The following WDR91 variants were observed in gnomAD, a reference collection of about 807,000 sequenced individuals.
The protein encoded by WDR91 is WD repeat domain 91, also known as WD repeat-containing protein 91.
In WDR91, 52 loss-of-function variants were observed where a neutral mutation model predicts 88.4. The ratio of observed to expected loss-of-function variants is 0.59; its 90% CI spans 0.47 to 0.74. The LOEUF (loss-of-function observed/expected upper bound fraction) is 0.74, where lower values mean the gene tolerates loss of function less well. Ranked by LOEUF, WDR91 falls within the 30% of genes least tolerant of loss-of-function variation. The pLI, the probability that WDR91 is intolerant of heterozygous loss-of-function variation, is 0.00. For synonymous variants in WDR91, 362 were observed against 389.5 expected (o/e 0.93, Z 0.83); for missense variants, 824 against 954.5 (o/e 0.86, Z 1.80).
Position 135,185,046 on chromosome 7 carries a change from T to C in WDR91, c.*1105A>G, listed in dbSNP as rs1261150044. 1 of 152,180 alleles carries C rather than the reference T, an allele frequency of 6.6e-6. No homozygotes were observed. The highest frequency in any genetic ancestry group is 1.5e-5 in the Non-Finnish European group (1 of 68,104). 9.4% of individuals were successfully genotyped at this position (152,180 alleles called of 1,614,324 possible). A position where few individuals can be genotyped will look rare whatever the true frequency, so the allele number is the denominator to read the frequency against. Reference sequence around the variant, plus strand: ...CACCATGCCTGGCTAATTTTGGTATTTTTAGTAGAGATGGGGTTTCACCAT... The same window carrying C: ...CACCATGCCTGGCTAATTTTGGTATCTTTAGTAGAGATGGGGTTTCACCAT... On this transcript the variant is annotated 3_prime_UTR_variant, in exon 15 of 15. Coordinates refer to ENST00000354475, the MANE Select transcript of WDR91 (RefSeq NM_014149.4).
At chr7:135,200,971 C>G (rs946102677) in intron 6 of WDR91, among the ~76,000 whole-genome samples, 1 of 152,126 alleles carries the variant, frequency 6.6e-6, no homozygotes, top group Admixed American at 6.5e-5. Context: ...ACACAGAAAT[C>G]CCAGAATGAA....
Position 135,204,900 on chromosome 7 carries a change from GT to G in WDR91, c.726-468del, listed in dbSNP as rs572535363. On this transcript the variant is annotated intron_variant, in intron 5 of 14. Transcript: ENST00000354475. The stretch of plus-strand genomic sequence containing the variant: ...ATATCATTAAAATTAACTTCATCTT[GT>G]TTTTTTTTTAACATAGCTACTAAAA... Among the ~76,000 whole-genome samples, 53 of 147,846 alleles carry G rather than the reference GT, an allele frequency of 3.6e-4. 1 individual carries two copies. In the East Asian group the frequency reaches 7.3e-3, roughly 20 times the overall value.
In WDR91 at chr7:135,186,074, C is replaced by T. The variant is rs1187488497; in HGVS notation, c.*77G>A. On this transcript the variant is annotated 3_prime_UTR_variant, in exon 15 of 15. Transcript: ENST00000354475. Reference sequence around the variant, plus strand: ...ACTGGCAGGGAGCTGGAGTGGAGCACGTGGTTTTCCTGTCCTATATCTCCT... The same window carrying T: ...ACTGGCAGGGAGCTGGAGTGGAGCATGTGGTTTTCCTGTCCTATATCTCCT... 11 of 1,459,274 alleles carry T rather than the reference C, an allele frequency of 7.5e-6. No individual in the cohort carries two copies. In the Admixed American group the frequency reaches 1.3e-4, roughly 17 times the overall value. 90.4% of individuals were successfully genotyped at this position (1,459,274 alleles called of 1,614,324 possible).
intron 11 of WDR91, among the ~76,000 whole-genome samples, chr7:135,189,740 TC>T (rs1161200369): frequency 6.6e-6 from 1 of 152,238 alleles, no homozygotes; most frequent in African/African-American, 2.4e-5. Context: ...AACCTACACT[TC>T]ACCCAGAATG....
At chr7:135,203,079 T>A (rs986769858) in intron 6 of WDR91, among the ~76,000 whole-genome samples, 1 of 152,166 alleles carries the variant, frequency 6.6e-6, no homozygotes, top group African/African-American at 2.4e-5. Flanking sequence ...ATTATTATCA[T>A]CCCGAGCAAA....
rs544320436 is a variant in WDR91 at position 135,208,691 on chromosome 7, T to A, written c.511+100A>T. 5.2e-6 allele frequency: 6 copies of A among 1,153,122 alleles called. No homozygotes were observed. The South Asian group carries it at 1.1e-4, about 22-fold the overall frequency. The allele number at this position is 1,153,122 out of a possible 1,614,324, so 71.4% of individuals were successfully genotyped here. ...ACCCATAAAAATGGTCCCTGGGCAT[T>A]TTTGTAGAAGAAATGCCTGTATGGA... is the stretch of plus-strand genomic sequence containing the variant. On this transcript the variant is annotated intron_variant, in intron 3 of 14. Coordinates refer to ENST00000354475, the MANE Select transcript of WDR91 (RefSeq NM_014149.4).
In WDR91 at chr7:135,198,235, G is replaced by C. The variant is rs549556742; in HGVS notation, c.892-84C>G. The C allele has an allele frequency of 8.8e-6, 13 of 1,478,806 alleles. No individual in the cohort carries two copies. The South Asian group carries it at 1.4e-4, about 16-fold the overall frequency. 91.6% of individuals were successfully genotyped at this position (1,478,806 alleles called of 1,614,324 possible). ...ATGCCAGGAGTGGTCAGCCCTGGGCGGGGGGGCGTGGTGGGTTGGGGGCAG... is the reference window on the plus strand; with the variant it reads ...ATGCCAGGAGTGGTCAGCCCTGGGCCGGGGGGCGTGGTGGGTTGGGGGCAG... On this transcript the variant is annotated intron_variant, in intron 6 of 14. Coordinates refer to ENST00000354475, the MANE Select transcript of WDR91 (RefSeq NM_014149.4).
Position 135,186,883 on chromosome 7 carries a change from G to A in WDR91, c.2079+89C>T, listed in dbSNP as rs112013990. 4.9e-4 allele frequency: 735 copies of A among 1,486,826 alleles called. 9 individuals are homozygous for A. The African/African-American group carries it at 6.0e-3, about 12-fold the overall frequency. The allele number at this position is 1,486,826 out of a possible 1,614,324, so 92.1% of individuals were successfully genotyped here. A position where few individuals can be genotyped will look rare whatever the true frequency, so the allele number is the denominator to read the frequency against. On this transcript the variant is annotated intron_variant, in intron 14 of 14. Transcript: ENST00000354475. ...ACAGCCATGCAGCTCGGGGTAGAGG[G>A]CCTCGCTCAGTAGCCATGGCCCAGA...
chr7:135,209,904 T>C (rs1283428587), intron 1 of WDR91, 149 bp from the exon 2 acceptor site: 1 of 576,070 alleles, frequency 1.7e-6, no homozygotes, highest in African/African-American at 1.9e-5. Flanking sequence ...AACATACTAA[T>C]GCAACGGTTT....
At chr7:135,188,391 G>A in intron 13 of WDR91, 42 bp downstream of exon 13, 1 of 1,567,796 alleles carries the variant, frequency 6.4e-7, no homozygotes, top group Non-Finnish European at 8.8e-7. Context: ...CGGCCCACAT[G>A]TCATCCCGGT....
intron 11 of WDR91, 96 bp downstream of exon 11, chr7:135,193,135 A>C: frequency 6.7e-7 from 1 of 1,500,778 alleles, no homozygotes; most frequent in Non-Finnish European, 8.9e-7. Context: ...AAATCTGAGG[A>C]GACCAAAGCA....
chr7:135,193,350 C>T lies in WDR91; in HGVS notation c.1540G>A (p.Ala514Thr). ...SPNGASFVCS[A>T]AAPSLTSQVD... Reference sequence around the variant, plus strand: ...TGGGAAGTGAGGCTCGGAGCTGCTGCCGAACAGACGAAAGAGGCCCCGTTG... The same window carrying T: ...TGGGAAGTGAGGCTCGGAGCTGCTGTCGAACAGACGAAAGAGGCCCCGTTG... The change falls in exon 11 of 15, where the codon GCA (alanine) becomes ACA (threonine). Residue 514 changes from alanine (A) to threonine (T), a missense_variant. Coordinates refer to ENST00000354475, the MANE Select transcript of WDR91 (RefSeq NM_014149.4). 6.2e-7 allele frequency: 1 copy of T among 1,614,222 alleles called. No homozygotes were observed. The highest frequency in any genetic ancestry group is 8.5e-7 in the Non-Finnish European group (1 of 1,180,048).
At chr7:135,195,515 A>C (rs1831331572) in intron 8 of WDR91, among the ~76,000 whole-genome samples, 1 of 152,270 alleles carries the variant, frequency 6.6e-6, no homozygotes, top group African/African-American at 2.4e-5. Flanking sequence ...ACTGTGCTTA[A>C]GTAAAAACTT....
chr7:135,193,335 G>C lies in WDR91; in HGVS notation c.1555C>G (p.Leu519Val), dbSNP rs1831240160. The C allele has an allele frequency of 6.2e-7, 1 of 1,614,122 alleles. No homozygotes were observed. The highest frequency in any genetic ancestry group is 1.7e-5 in the Admixed American group (1 of 60,012). ...GCTGAGAAGTCCACCTGGGAAGTGA[G>C]GCTCGGAGCTGCTGCCGAACAGACG... The part of the protein sequence containing the change: ...SFVCSAAAPS[L>V]TSQVDFSAPD... Residue 519 changes from leucine to valine, a missense_variant, in exon 11 of 15, where the codon CTC (leucine) becomes GTC (valine). Leu to Val is a conservative substitution (Grantham distance 32, BLOSUM62 1). Transcript: ENST00000354475.
rs767334098 is a variant in WDR91, at chr7:135,211,491, G to C, written c.12C>G (p.Ala4=). 6 of 1,611,360 alleles carry C rather than the reference G, an allele frequency of 3.7e-6. No homozygotes were observed. Among genetic ancestry groups the C allele is most frequent in the Middle Eastern group, 1.7e-4 (1 of 6,052 alleles). The stretch of plus-strand genomic sequence containing the variant: ...GGACCAGCTCGTCAGTGCGCTCCAC[G>C]GCCTCCGCCATCGCAGCGCTAGCGT... The part of the protein sequence containing the change: MAE[A]VERTDELVRE... The change falls in exon 1 of 15, where the codon GCC becomes GCG. Residue 4 remains alanine, a synonymous_variant. Transcript: ENST00000354475.
intron 6 of WDR91, chr7:135,198,404 T>C (rs1831454684): frequency 2.1e-6 from 1 of 471,480 alleles, no homozygotes; most frequent in Non-Finnish European, 3.8e-6. Context: ...TGGAGGAAGA[T>C]GTCATCTTGA....
At chr7:135,189,870 C>CA (rs1424350449) in intron 11 of WDR91, among the ~76,000 whole-genome samples, 1 of 152,192 alleles carries the variant, frequency 6.6e-6, no homozygotes, top group Non-Finnish European at 1.5e-5. Flanking sequence ...CAGAAACACT[C>CA]AGAAATATAG....
intron 14 of WDR91, 77 bp from the exon 15 acceptor site, chr7:135,186,392 C>T: frequency 2.0e-6 from 3 of 1,480,360 alleles, no homozygotes; most frequent in Non-Finnish European, 2.7e-6. Flanking sequence ...CAGTGGCCTA[C>T]CTGAGGATGT....
chr7:135,194,768 A>C (rs540641892), intron 9 of WDR91, among the ~76,000 whole-genome samples, 166 bp downstream of exon 9: 49 of 152,296 alleles, frequency 3.2e-4, no homozygotes, highest in African/African-American at 1.2e-3. Context: ...CTGTCTTCCC[A>C]CAACAGGAGC....
Sources: allele counts gnomAD v4.1 joint callset (sites outside exome capture counted in the v4.1 genomes callset), GRCh38; gene constraint gnomAD v4.1.1; transcripts MANE v1.5; gene names NCBI Gene and HGNC (gene_info 2026-07-23, HGNC 2026-07-21).